Variants in FHIP1A observed in about 807,000 individuals in gnomAD.
FHIP1A encodes the protein FHF complex subunit HOOK interacting protein 1A.
Under a neutral mutation model 88.6 loss-of-function variants are expected in FHIP1A, and 61 were observed. That is an observed-to-expected ratio of 0.69 (90% CI 0.56 to 0.85). The LOEUF is 0.85. Among genes scored for constraint, FHIP1A ranks in the 40% least tolerant of loss-of-function variants. The probability of loss-of-function intolerance (pLI) is 0.00; values close to 1 mark genes in which losing one functional copy is unlikely to be tolerated. For missense variants in FHIP1A, 1,154 were observed against 1,273.5 expected (o/e 0.91, Z 1.43); for synonymous variants, 478 against 496.0 (o/e 0.96, Z 0.48).
chr4:151,445,215 G>T (rs939052828), intron 1 of FHIP1A, among the ~76,000 whole-genome samples: 1 of 152,048 alleles, frequency 6.6e-6, no homozygotes, highest in Non-Finnish European at 1.5e-5. Context: ...GGATACAAAT[G>T]AACAACCAGG....
At chr4:151,519,291 T>C (rs558327006) in intron 3 of FHIP1A, among the ~76,000 whole-genome samples, 1 of 152,276 alleles carries the variant, frequency 6.6e-6, no homozygotes, top group African/African-American at 2.4e-5. Context: ...TTTTCCACCA[T>C]AGGTTAGTTT....
At chr4:151,417,976 C>T (rs1472968080) in intron 1 of FHIP1A, among the ~76,000 whole-genome samples, 1 of 151,854 alleles carries the variant, frequency 6.6e-6, no homozygotes, top group African/African-American at 2.4e-5. Flanking sequence ...TTGACACCAG[C>T]CTGGGAGACA....
intron 3 of FHIP1A, among the ~76,000 whole-genome samples, chr4:151,525,033 GA>G (rs1731580233): frequency 6.6e-6 from 1 of 152,172 alleles, no homozygotes; most frequent in African/African-American, 2.4e-5. Context: ...TTCACTTGCA[GA>G]AAGATCATTC....
At chr4:151,450,199 C>G (rs1410227260) in intron 1 of FHIP1A, among the ~76,000 whole-genome samples, 1 of 152,076 alleles carries the variant, frequency 6.6e-6, no homozygotes, top group Non-Finnish European at 1.5e-5. Context: ...GCAAAAAGGT[C>G]AAACGTAAAG....
chr4:151,457,125 G>A (rs368936420), intron 2 of FHIP1A, among the ~76,000 whole-genome samples: 1 of 152,166 alleles, frequency 6.6e-6, no homozygotes, highest in Non-Finnish European at 1.5e-5. Flanking sequence ...TGGTCTTGTA[G>A]TGGGGCTTTT....
chr4:151,490,971 A>C (rs532970742), intron 3 of FHIP1A, among the ~76,000 whole-genome samples: 1 of 152,084 alleles, frequency 6.6e-6, no homozygotes, highest in South Asian at 2.1e-4. Flanking sequence ...AAAAATGAAC[A>C]AAGCCTCCAA....
intron 1 of FHIP1A, among the ~76,000 whole-genome samples, chr4:151,438,358 G>C (rs1194253846): frequency 1.3e-5 from 2 of 152,022 alleles, no homozygotes; most frequent in Non-Finnish European, 2.9e-5. Context: ...CTCACTGCCT[G>C]GCCTGCAGGA....
At chr4:151,481,821 G>A (rs749328033) in intron 2 of FHIP1A, among the ~76,000 whole-genome samples, 9 of 152,052 alleles carry the variant, frequency 5.9e-5, no homozygotes, top group Non-Finnish European at 1.2e-4. Context: ...CTCTCTAGAT[G>A]TTCTTACTGC....
At chr4:151,501,179 G>A (rs1219799229) in intron 3 of FHIP1A, among the ~76,000 whole-genome samples, 1 of 152,148 alleles carries the variant, frequency 6.6e-6, no homozygotes, top group Non-Finnish European at 1.5e-5. Context: ...GGCAATTTGG[G>A]ACATTTGGAT....
chr4:151,501,196 C>G (rs1222631424), intron 3 of FHIP1A, among the ~76,000 whole-genome samples: 2 of 152,136 alleles, frequency 1.3e-5, no homozygotes, highest in African/African-American at 4.8e-5. Flanking sequence ...GGATCAACAA[C>G]TTTTTGGTTG....
At chr4:151,435,511 G>T (rs917521075) in intron 1 of FHIP1A, among the ~76,000 whole-genome samples, 2 of 152,186 alleles carry the variant, frequency 1.3e-5, no homozygotes, top group Non-Finnish European at 2.9e-5. Flanking sequence ...GGGTTTGGGT[G>T]TGGTGGTTCA....
chr4:151,649,031 C>T (rs907142743), intron 10 of FHIP1A, among the ~76,000 whole-genome samples: 1 of 152,116 alleles, frequency 6.6e-6, no homozygotes, highest in Non-Finnish European at 1.5e-5. Flanking sequence ...TACAAAACGT[C>T]TGGTTCTCAG....
chr4:151,475,859 A>G (rs1182088383), intron 2 of FHIP1A, among the ~76,000 whole-genome samples: 1 of 139,414 alleles, frequency 7.2e-6, no homozygotes. Flanking sequence ...TTCAATCTCT[A>G]TTATCGATTT....
At chr4:151,564,890 G>T (rs1483322564) in intron 3 of FHIP1A, among the ~76,000 whole-genome samples, 2 of 152,096 alleles carry the variant, frequency 1.3e-5, no homozygotes, top group Non-Finnish European at 2.9e-5. Flanking sequence ...CCTACTAACA[G>T]AAGTGCTTGT....
chr4:151,542,873 A>G (rs1210612440), intron 3 of FHIP1A, among the ~76,000 whole-genome samples: 1 of 152,232 alleles, frequency 6.6e-6, no homozygotes, highest in Non-Finnish European at 1.5e-5. Flanking sequence ...TCTGTGCCTT[A>G]GATTTCTCAT....
intron 3 of FHIP1A, among the ~76,000 whole-genome samples, chr4:151,544,049 G>A (rs916973577): frequency 6.6e-6 from 1 of 152,092 alleles, no homozygotes; most frequent in African/African-American, 2.4e-5. Flanking sequence ...AAGTGCTTAG[G>A]GCAATAAGCA....
chr4:151,630,684 A>G (rs1165725074), intron 8 of FHIP1A, among the ~76,000 whole-genome samples: 1 of 152,220 alleles, frequency 6.6e-6, no homozygotes, highest in Non-Finnish European at 1.5e-5. Context: ...AATTAGCACT[A>G]CACTTATCAG....
intron 9 of FHIP1A, among the ~76,000 whole-genome samples, chr4:151,645,682 T>C (rs1161367477): frequency 6.6e-6 from 1 of 151,726 alleles, no homozygotes; most frequent in East Asian, 1.9e-4. Context: ...TGGCTCTGGC[T>C]ATAAGTTCTT....
At position 151,450,113 on chromosome 4, in the gene FHIP1A, T is replaced by C. The variant is rs180896609; in HGVS notation, c.-355-4588T>C. On this transcript the variant is annotated intron_variant, in intron 1 of 13. Coordinates refer to ENST00000435205, the MANE Select transcript of FHIP1A (RefSeq NM_001109977.3). Reference sequence around the variant, plus strand: ...TCATAAAAGTTTAAAATGTTTAAGTTTGTTGACTGGTGATATGGAATCCAA... The same window carrying C: ...TCATAAAAGTTTAAAATGTTTAAGTCTGTTGACTGGTGATATGGAATCCAA... 4.6e-3 allele frequency among the ~76,000 whole-genome samples: 701 copies of C among 152,292 alleles called. 10 individuals carry two copies. Among genetic ancestry groups the C allele is most frequent in the Non-Finnish European group, 5.0e-3 (340 of 68,008 alleles).
Sources: allele counts gnomAD v4.1 joint callset (sites outside exome capture counted in the v4.1 genomes callset), GRCh38; gene constraint gnomAD v4.1.1; transcripts MANE v1.5; gene names NCBI Gene and HGNC (gene_info 2026-07-23, HGNC 2026-07-21).